The following SETBP1 variants were observed in gnomAD, a reference collection of about 807,000 sequenced individuals.
The protein encoded by SETBP1 is SET binding protein 1.
SETBP1 carries 9 observed loss-of-function variants against 101.0 expected under a neutral mutation model. The observed-to-expected ratio is 0.09, with a 90% CI of 0.05 to 0.16. The LOEUF (loss-of-function observed/expected upper bound fraction) is 0.16. SETBP1 is among the 10% of genes least tolerant of loss of function. SETBP1 has a pLI of 1.00. For missense variants in SETBP1, 1,858 were observed against 2,033.8 expected (o/e 0.91, Z 1.66); for synonymous variants, 818 against 788.5 (o/e 1.04, Z -0.63).
intron 3 of SETBP1, among the ~76,000 whole-genome samples, chr18:44,918,017 A>G (rs936166450): frequency 6.6e-6 from 1 of 152,114 alleles, no homozygotes; most frequent in Admixed American, 6.5e-5. Context: ...CTCCCACAGC[A>G]TGCCGCCCTC....
At chr18:44,992,679 C>T (rs1352397209) in intron 4 of SETBP1, among the ~76,000 whole-genome samples, 1 of 151,846 alleles carries the variant, frequency 6.6e-6, no homozygotes, top group Non-Finnish European at 1.5e-5. Flanking sequence ...CCCACATTTC[C>T]CTTTAATCAT....
chr18:44,863,664 G>A (rs137937014), intron 2 of SETBP1, among the ~76,000 whole-genome samples: 57 of 152,270 alleles, frequency 3.7e-4, no homozygotes, highest in Admixed American at 2.8e-3. Context: ...AGGTGAAGTA[G>A]GAGGCTTACT....
At chr18:45,003,317 G>C (rs116712278) in intron 4 of SETBP1, among the ~76,000 whole-genome samples, 2,114 of 152,214 alleles carry the variant, frequency 0.014, 69 homozygotes, top group African/African-American at 0.048. Context: ...GGTTCTATTG[G>C]TTTCAAACTC....
intron 3 of SETBP1, among the ~76,000 whole-genome samples, chr18:44,903,188 A>G (rs1021832336): frequency 6.6e-6 from 1 of 152,156 alleles, no homozygotes; most frequent in Admixed American, 6.5e-5. Flanking sequence ...TACTGACACT[A>G]AACACACCCA....
At chr18:44,974,176 A>G (rs561824775) in intron 4 of SETBP1, among the ~76,000 whole-genome samples, 6 of 152,334 alleles carry the variant, frequency 3.9e-5, no homozygotes, top group Admixed American at 3.9e-4. Flanking sequence ...CTCAATTTCC[A>G]TAATTATCAT....
intron 4 of SETBP1, among the ~76,000 whole-genome samples, chr18:44,978,525 G>A (rs182536733): frequency 1.6e-4 from 25 of 152,256 alleles, no homozygotes; most frequent in African/African-American, 5.5e-4. Context: ...TATCTGCCAT[G>A]ATTCTTATGA....
chr18:44,798,554 G>A (rs573382354), intron 2 of SETBP1, among the ~76,000 whole-genome samples: 1 of 152,252 alleles, frequency 6.6e-6, no homozygotes, highest in South Asian at 2.1e-4. Context: ...ACCCCAGGGT[G>A]GAAAGAAAAA....
At chr18:44,890,506 G>A (rs1457149492) in intron 3 of SETBP1, among the ~76,000 whole-genome samples, 1 of 152,080 alleles carries the variant, frequency 6.6e-6, no homozygotes, top group African/African-American at 2.4e-5. Flanking sequence ...CAAAGATGGA[G>A]TATTTGGAGA....
intron 2 of SETBP1, among the ~76,000 whole-genome samples, chr18:44,736,282 G>A (rs896333972): frequency 5.9e-5 from 9 of 152,176 alleles, no homozygotes; most frequent in African/African-American, 2.2e-4. Flanking sequence ...AGGATGCTGA[G>A]GAAGAAGGAT....
intron 3 of SETBP1, among the ~76,000 whole-genome samples, chr18:44,906,468 C>T (rs2070178474): frequency 6.6e-6 from 1 of 152,178 alleles, no homozygotes; most frequent in African/African-American, 2.4e-5. Flanking sequence ...AACCATTCCT[C>T]ATAGCTCACT....
intron 2 of SETBP1, among the ~76,000 whole-genome samples, chr18:44,862,793 G>T (rs2069043521): frequency 6.6e-6 from 1 of 152,198 alleles, no homozygotes; most frequent in Non-Finnish European, 1.5e-5. Flanking sequence ...ATTTTCAGGG[G>T]ACAGAGGAGA....
At chr18:44,798,707 G>C (rs2071534523) in intron 2 of SETBP1, among the ~76,000 whole-genome samples, 1 of 152,150 alleles carries the variant, frequency 6.6e-6, no homozygotes, top group Non-Finnish European at 1.5e-5. Flanking sequence ...TAATTTGTGG[G>C]GAGCTGGAAA....
chr18:44,939,131 A>G (rs1183041257), intron 3 of SETBP1, among the ~76,000 whole-genome samples: 4 of 152,146 alleles, frequency 2.6e-5, no homozygotes, highest in Non-Finnish European at 5.9e-5. Context: ...ATGAAGTTCA[A>G]AGAGTATCAA....
At chr18:44,796,019 A>T (rs965815484) in intron 2 of SETBP1, among the ~76,000 whole-genome samples, 3 of 152,200 alleles carry the variant, frequency 2.0e-5, no homozygotes, top group African/African-American at 7.2e-5. Context: ...CTTTCACCAA[A>T]CTAACCTTCC....
chr18:44,717,609 A>G (rs1056388757), intron 2 of SETBP1, among the ~76,000 whole-genome samples: 2 of 152,166 alleles, frequency 1.3e-5, no homozygotes, highest in African/African-American at 4.8e-5. Flanking sequence ...GTATATTTTG[A>G]TCCTTTATGG....
chr18:45,021,828 G>C (rs895562486), intron 4 of SETBP1, among the ~76,000 whole-genome samples: 1 of 150,806 alleles, frequency 6.6e-6, no homozygotes, highest in African/African-American at 2.4e-5. Context: ...TTGAGCATGG[G>C]TTTAGGTGTC....
At chr18:44,709,385 G>T (rs1224048034) in intron 2 of SETBP1, among the ~76,000 whole-genome samples, 1 of 152,186 alleles carries the variant, frequency 6.6e-6, no homozygotes, top group African/African-American at 2.4e-5. Context: ...CTCCACTCTG[G>T]AAGTGGATTA....
chr18:44,728,882 G>A (rs1165635884), intron 2 of SETBP1, among the ~76,000 whole-genome samples: 2 of 152,216 alleles, frequency 1.3e-5, no homozygotes, highest in Non-Finnish European at 2.9e-5. Context: ...TGCCAAAGGT[G>A]GTTGGGAGCA....
chr18:44,880,056 C>T (rs868533875), intron 3 of SETBP1, among the ~76,000 whole-genome samples: 1 of 152,200 alleles, frequency 6.6e-6, no homozygotes, highest in Admixed American at 6.5e-5. Flanking sequence ...AAGATTCACA[C>T]GTGCAGTGAT....
Sources: allele counts gnomAD v4.1 joint callset (sites outside exome capture counted in the v4.1 genomes callset), GRCh38; gene constraint gnomAD v4.1.1; transcripts MANE v1.5; gene names NCBI Gene and HGNC (gene_info 2026-07-23, HGNC 2026-07-21).